Variants in NRDC observed in about 807,000 individuals in gnomAD.
The protein encoded by NRDC is nardilysin.
Under a neutral mutation model 147.1 loss-of-function variants are expected in NRDC, and 54 were observed. The ratio of observed to expected loss-of-function variants is 0.37; its 90% CI spans 0.29 to 0.46. The LOEUF (loss-of-function observed/expected upper bound fraction) is 0.46, where lower values mean the gene tolerates loss of function less well. Among genes scored for constraint, NRDC ranks in the 20% least tolerant of loss-of-function variants. The probability of loss-of-function intolerance (pLI) is 1.00; values close to 1 mark genes in which losing one functional copy is unlikely to be tolerated. For synonymous variants in NRDC, 440 were observed against 482.1 expected (o/e 0.91, Z 1.14); for missense variants, 1,082 against 1,370.6 (o/e 0.79, Z 3.33).
At chr1:51,829,764 C>T (rs1680617698) in intron 4 of NRDC, among the ~76,000 whole-genome samples, 1 of 151,972 alleles carries the variant, frequency 6.6e-6, no homozygotes, top group African/African-American at 2.4e-5. Flanking sequence ...TTATGCTATA[C>T]TTGGGTTAAT....
chr1:51,878,001 C>G, intron 1 of NRDC: 1 of 1,308,934 alleles, frequency 7.6e-7, no homozygotes, highest in Non-Finnish European at 9.7e-7. Flanking sequence ...CTGCGTTCCT[C>G]AAAGAAACCT....
chr1:51,852,594 ATATAGTTTTT>A (rs948920769), intron 1 of NRDC, among the ~76,000 whole-genome samples: 551 of 23,460 alleles, frequency 0.023, 2 homozygotes, highest in Non-Finnish European at 0.032. Flanking sequence ...ATAGTTTTAT[ATATAGTTTTT>A]TATAGTTTTT....
chr1:51,848,865 T>C (rs1681790700), intron 1 of NRDC, among the ~76,000 whole-genome samples: 1 of 152,178 alleles, frequency 6.6e-6, no homozygotes, highest in South Asian at 2.1e-4. Flanking sequence ...AGGTCTGTTA[T>C]TTGCCCAACC....
intron 7 of NRDC, among the ~76,000 whole-genome samples, chr1:51,822,374 T>G (rs1680249983): frequency 6.6e-6 from 1 of 152,142 alleles, no homozygotes; most frequent in Non-Finnish European, 1.5e-5. Flanking sequence ...ACATTGTACA[T>G]AGTTTTCATC....
intron 1 of NRDC, among the ~76,000 whole-genome samples, chr1:51,856,547 A>C (rs1192444957): frequency 6.6e-6 from 1 of 152,174 alleles, no homozygotes; most frequent in Non-Finnish European, 1.5e-5. Flanking sequence ...TTTATTGTAA[A>C]GGATATTACA....
intron 4 of NRDC, among the ~76,000 whole-genome samples, chr1:51,833,351 G>A (rs1680802457): frequency 6.6e-6 from 1 of 151,310 alleles, no homozygotes; most frequent in Non-Finnish European, 1.5e-5. Context: ...CTGGGAGGCT[G>A]AGGTTGCACT....
In NRDC at chr1:51,827,856, A is replaced by G; in HGVS notation, c.880T>C (p.Phe294Leu). 6.2e-7 allele frequency: 1 copy of G among 1,613,878 alleles called. No homozygotes were observed. Among genetic ancestry groups the G allele is most frequent in the South Asian group, 1.1e-5 (1 of 91,066 alleles). Residue 294 changes from phenylalanine to leucine, a missense_variant, in exon 5 of 31, where the codon TTC (phenylalanine) becomes CTC (leucine). Phe to Leu is a conservative substitution (Grantham distance 22). Around this residue, in one of 3 missense-constraint regions of NRDC, gnomAD observed 635 missense variants for 923.8 expected, o/e 0.69. Transcript: ENST00000352171. ...TCTCTGATCATTAGTGGGTGGATGA[A>G]GAACTGCGCCCATCTGAACAAAAAA... ...KEALDRWAQF[F>L]IHPLMIRDAI... is the part of the protein sequence containing the mutation.
Position 51,823,774 on chromosome 1 carries a change from G to A in NRDC, c.1049C>T (p.Thr350Met), listed in dbSNP as rs970389212. The stretch of plus-strand genomic sequence containing the variant: ...ATTCTTTCTTGGCTCATGCTTGAGC[G>A]TCTCAGCATTTCCTATAAAAGAATG... ...MGKFFWGNAE[T>M]LKHEPRKNNI... The change falls in exon 7 of 31, where the codon ACG (threonine) becomes ATG (methionine). Residue 350 changes from threonine to methionine, a missense_variant. Thr to Met is a moderately conservative substitution (Grantham distance 81). Transcript: ENST00000352171. 3.1e-6 allele frequency: 5 copies of A among 1,595,204 alleles called. No individual in the cohort carries two copies. Among genetic ancestry groups the A allele is most frequent in the Non-Finnish European group, 4.3e-6 (5 of 1,169,538 alleles).
chr1:51,821,946 C>T (rs1557912084), intron 7 of NRDC, among the ~76,000 whole-genome samples: 1 of 152,110 alleles, frequency 6.6e-6, no homozygotes, highest in Admixed American at 6.6e-5. Context: ...ATTAACCTCT[C>T]CTTTTTGCCA....
intron 1 of NRDC, among the ~76,000 whole-genome samples, chr1:51,874,847 A>G (rs1018965047): frequency 6.6e-6 from 1 of 152,236 alleles, no homozygotes; most frequent in Non-Finnish European, 1.5e-5. Context: ...TACAAATTAC[A>G]CATATGCTGA....
chr1:51,826,525 T>C (rs1368012719), intron 5 of NRDC, among the ~76,000 whole-genome samples: 2 of 152,224 alleles, frequency 1.3e-5, no homozygotes, highest in Non-Finnish European at 2.9e-5. Flanking sequence ...GCATTGGACA[T>C]GCCTTTCATC....
At chr1:51,876,914 G>A (rs1391725401) in intron 1 of NRDC, among the ~76,000 whole-genome samples, 1 of 152,246 alleles carries the variant, frequency 6.6e-6, no homozygotes, top group Non-Finnish European at 1.5e-5. Flanking sequence ...AACGGGCTGG[G>A]CGGGGTGGCT....
chr1:51,843,045 C>A (rs1230187739), intron 1 of NRDC, among the ~76,000 whole-genome samples: 2 of 90,784 alleles, frequency 2.2e-5, no homozygotes, highest in African/African-American at 4.3e-5. Context: ...GCCTGGGCAA[C>A]AGAGCAAAAA....
intron 5 of NRDC, among the ~76,000 whole-genome samples, chr1:51,827,211 A>C (rs1327775697): frequency 1.3e-5 from 2 of 152,210 alleles, no homozygotes; most frequent in Admixed American, 6.5e-5. Flanking sequence ...CACTCTAGCC[A>C]TCTGTAGTTT....
At chr1:51,807,985 T>C (rs2982847) in intron 17 of NRDC, among the ~76,000 whole-genome samples, 105,572 of 151,646 alleles carry the variant, frequency 0.7, 37,142 homozygotes, top group East Asian at 0.93. Flanking sequence ...TTGTATTTTT[T>C]TGGAGAGATG....
intron 1 of NRDC, among the ~76,000 whole-genome samples, chr1:51,872,956 T>G (rs953701284): frequency 6.7e-6 from 1 of 149,906 alleles, no homozygotes; most frequent in African/African-American, 2.5e-5. Flanking sequence ...GAATTGTCAA[T>G]CTCATGGAAT....
chr1:51,801,499 G>A (rs907384484), intron 20 of NRDC, among the ~76,000 whole-genome samples: 2 of 152,030 alleles, frequency 1.3e-5, no homozygotes, highest in African/African-American at 4.8e-5. Context: ...GGGAGAAAAA[G>A]CCATTGATTC....
intron 10 of NRDC, among the ~76,000 whole-genome samples, chr1:51,817,321 A>G (rs1680016509): frequency 1.3e-5 from 2 of 150,620 alleles, no homozygotes; most frequent in Admixed American, 1.3e-4. Context: ...CCTCCCAAAA[A>G]AGTTAAATTT....
intron 1 of NRDC, among the ~76,000 whole-genome samples, chr1:51,869,540 TCAA>T (rs1386103853): frequency 3.9e-5 from 6 of 152,180 alleles, no homozygotes; most frequent in Admixed American, 2.6e-4. Context: ...TAGTTTTCAT[TCAA>T]CAATAAATCA....
Sources: allele counts gnomAD v4.1 joint callset (sites outside exome capture counted in the v4.1 genomes callset), GRCh38; gene constraint gnomAD v4.1.1; regional missense constraint gnomAD v4.1.1; transcripts MANE v1.5; gene names NCBI Gene and HGNC (gene_info 2026-07-23, HGNC 2026-07-21).